SLC12A7: variants seen among roughly 807,000 people sequenced by gnomAD.
The protein encoded by SLC12A7 is solute carrier family 12 member 7.
Under a neutral mutation model 120.6 loss-of-function variants are expected in SLC12A7, and 100 were observed. That is an observed-to-expected ratio of 0.83 (90% CI 0.71 to 0.98). The LOEUF (loss-of-function observed/expected upper bound fraction) is 0.98. Among genes scored for constraint, SLC12A7 ranks in the 50% least tolerant of loss-of-function variants. The probability of loss-of-function intolerance (pLI) is 0.00; values close to 1 mark genes in which losing one functional copy is unlikely to be tolerated. For missense variants in SLC12A7, 1,373 were observed against 1,548.1 expected, an observed-to-expected ratio of 0.89 and a Z score of 1.90; for synonymous variants, 760 against 678.0, an observed-to-expected ratio of 1.12 and a Z score of -1.88.
rs201059617 is a variant in SLC12A7, at chr5:1,076,778, G to A, written c.1664C>T (p.Thr555Met). 8.1e-5 allele frequency: 131 copies of A among 1,610,986 alleles called. 1 individual carries two copies. The East Asian group carries it at 2.6e-3, about 32-fold the overall frequency. Residue 555 changes from threonine to methionine, a missense_variant, in exon 13 of 24, where the codon ACG (threonine) becomes ATG (methionine). Thr to Met is a moderately conservative substitution (Grantham distance 81). Coordinates refer to ENST00000264930, the MANE Select transcript of SLC12A7 (RefSeq NM_006598.3). ...FGHGKANGEP[T>M]WALLLTVLIC... ...GAGGACTGTCAGCAGCAGCGCCCAC[G>A]TGGGCTCCCCGTTGGCCTTCCCGTG...
At chr5:1,064,901 C>CGGCGAGGAGATGGTGAGGGGACA (rs1554012926) in intron 18 of SLC12A7, among the ~76,000 whole-genome samples, 1 of 28,376 alleles carries the variant, frequency 3.5e-5, no homozygotes, top group Non-Finnish European at 6.9e-5. Context: ...GTGAGGGGAC[C>CGGCGAGGAGATGGTGAGGGGACA]GCGAGGGGAC....
Position 1,073,295 on chromosome 5 carries a change from T to TA in SLC12A7, c.2241+337dup, listed in dbSNP as rs563416298. On this transcript the variant is annotated intron_variant, in intron 17 of 23. Coordinates refer to ENST00000264930, the MANE Select transcript of SLC12A7 (RefSeq NM_006598.3). ...GCCCCCAGCACACGGGCATCACACT[T>TA]ATGCAGCCCCCAGTGAGCCTGAACA... Among the ~76,000 whole-genome samples, 28 of 148,146 alleles carry TA rather than the reference T, an allele frequency of 1.9e-4. 1 individual carries two copies. Among genetic ancestry groups the TA allele is most frequent in the South Asian group, 1.1e-3 (5 of 4,698 alleles).
At chr5:1,087,843 T>C (rs1740056621) in intron 5 of SLC12A7, among the ~76,000 whole-genome samples, 1 of 152,264 alleles carries the variant, frequency 6.6e-6, no homozygotes, top group Admixed American at 6.5e-5. Context: ...TATTACGTAT[T>C]GTAATTAACT....
chr5:1,141,256 C>T, the SLC12A7 span, among the ~76,000 whole-genome samples: 465 of 152,280 alleles, frequency 3.1e-3, 1 homozygote, highest in African/African-American at 0.011. Flanking sequence ...TAAGGACACC[C>T]GTTATATTGA....
chr5:1,091,257 C>T (rs77064903), intron 3 of SLC12A7, among the ~76,000 whole-genome samples: 3,096 of 152,306 alleles, frequency 0.02, 45 homozygotes, highest in Non-Finnish European at 0.032. Flanking sequence ...CATGAACAAA[C>T]ACACCTGCCT....
intron 21 of SLC12A7, among the ~76,000 whole-genome samples, chr5:1,057,914 G>A (rs898269240): frequency 1.8e-4 from 27 of 152,212 alleles, no homozygotes. Flanking sequence ...ACCCCGTACT[G>A]ACAGGAGGTG....
intron 3 of SLC12A7, among the ~76,000 whole-genome samples, chr5:1,090,725 A>C (rs966708961): frequency 3.3e-5 from 5 of 152,112 alleles, no homozygotes; most frequent in Admixed American, 6.5e-5. Context: ...CAAATCCCGC[A>C]GCCCCGTGAC....
intron 10 of SLC12A7, 41 bp downstream of exon 10, chr5:1,079,357 G>A: frequency 6.6e-7 from 1 of 1,521,254 alleles, no homozygotes; most frequent in Non-Finnish European, 9.1e-7. Context: ...CCTCCCCCCA[G>A]GCAGAGGCTG....
rs1331206390 is a variant in SLC12A7, at chr5:1,051,374, T to C, written c.*986A>G. 1 of 126,126 alleles carries C rather than the reference T, an allele frequency of 7.9e-6. No homozygotes were observed. Among genetic ancestry groups the C allele is most frequent in the Non-Finnish European group, 1.6e-5 (1 of 62,552 alleles). The allele number at this position is 126,126 out of a possible 1,614,324, so 7.8% of individuals were successfully genotyped here. A position where few individuals can be genotyped will look rare whatever the true frequency, so the allele number is the denominator to read the frequency against. ...GAGCCAGCTCAGAGGCTGAACTGTGTGCCGTGCTCCTGGGGTGGGGTGGGG... is the reference window on the plus strand; with the variant it reads ...GAGCCAGCTCAGAGGCTGAACTGTGCGCCGTGCTCCTGGGGTGGGGTGGGG... On this transcript the variant is annotated 3_prime_UTR_variant, in exon 24 of 24. Transcript: ENST00000264930.
chr5:1,150,759 G>A, the SLC12A7 span, among the ~76,000 whole-genome samples: 3 of 152,208 alleles, frequency 2.0e-5, no homozygotes, highest in Admixed American at 1.3e-4. Context: ...CACGACGGCC[G>A]AGCTCCATGA....
chr5:1,059,232 A>C (rs1231434743), intron 21 of SLC12A7, among the ~76,000 whole-genome samples: 1 of 152,076 alleles, frequency 6.6e-6, no homozygotes, highest in African/African-American at 2.4e-5. Context: ...ATCTGTGCCC[A>C]CCCTGACCTG....
At chr5:1,065,224 ACTGAGAGGACACAGAGGGGACG>A in intron 18 of SLC12A7, 37 bp downstream of exon 18, 2 of 1,256,080 alleles carry the variant, frequency 1.6e-6, no homozygotes, top group Non-Finnish European at 2.2e-6. Flanking sequence ...GCGAGGGGAC[ACTGAGAGGACACAGAGGGGACG>A]GTGAGGGGAT....
chr5:1,075,091 T>G (rs1003247237), intron 15 of SLC12A7, among the ~76,000 whole-genome samples: 4 of 152,116 alleles, frequency 2.6e-5, no homozygotes, highest in Non-Finnish European at 4.4e-5. Flanking sequence ...GTAGCAGGAA[T>G]AGTCAGCCGT....
At chr5:1,054,399 G>T (rs771514366) in intron 22 of SLC12A7, among the ~76,000 whole-genome samples, 21 of 152,230 alleles carry the variant, frequency 1.4e-4, no homozygotes, top group Non-Finnish European at 2.5e-4. Flanking sequence ...AGGTGCTCAG[G>T]CCCTTGCGGG....
the SLC12A7 span, among the ~76,000 whole-genome samples, chr5:1,117,550 C>T: frequency 6.6e-6 from 1 of 152,212 alleles, no homozygotes; most frequent in South Asian, 2.1e-4. This position sits in a 1 kb window ranked among gnomAD's most constrained non-coding sequence, Gnocchi z 4.5. Flanking sequence ...CTGACCCTCC[C>T]TAAACTGCTC....
intron 1 of SLC12A7, among the ~76,000 whole-genome samples, chr5:1,109,005 A>C (rs962230590): frequency 6.6e-6 from 1 of 152,222 alleles, no homozygotes; most frequent in Non-Finnish European, 1.5e-5. Flanking sequence ...GCCAGGAAGA[A>C]GCTCCCGGCA....
rs200113590 is a variant in SLC12A7 at position 1,083,965 on chromosome 5, G to T, written c.918-9C>A. The T allele has an allele frequency of 6.3e-6, 10 of 1,598,318 alleles. No homozygotes were observed. In the African/African-American group the frequency reaches 1.2e-4, roughly 19 times the overall value. On this transcript the variant is annotated splice_polypyrimidine_tract_variant and intron_variant, in intron 7 of 23. Transcript: ENST00000264930. Reference sequence around the variant, plus strand: ...TCCCCAGGAGGCAGACCCTGGGCGGGACAGGGAGGCACGGCACGTGTGCTG... The same window carrying T: ...TCCCCAGGAGGCAGACCCTGGGCGGTACAGGGAGGCACGGCACGTGTGCTG...
intron 1 of SLC12A7, among the ~76,000 whole-genome samples, chr5:1,110,778 T>G (rs1349854895): frequency 6.6e-6 from 1 of 152,220 alleles, no homozygotes; most frequent in Non-Finnish European, 1.5e-5. Flanking sequence ...AGATCTGGGC[T>G]GGCCTCTGTG....
At chr5:1,113,025 T>C (rs924198560), upstream of SLC12A7, among the ~76,000 whole-genome samples, 4 of 151,648 alleles carry the variant, frequency 2.6e-5, no homozygotes, top group African/African-American at 9.7e-5. Flanking sequence ...GAAGGTGGAG[T>C]TCCAGAACCC....
Sources: allele counts gnomAD v4.1 joint callset (sites outside exome capture counted in the v4.1 genomes callset), GRCh38; gene constraint gnomAD v4.1.1; non-coding constraint Gnocchi (gnomAD v3.1); transcripts MANE v1.5; gene names NCBI Gene and HGNC (gene_info 2026-07-23, HGNC 2026-07-21).